The following HENMT1 variants were observed in gnomAD, a reference collection of about 807,000 sequenced individuals.
HENMT1 encodes the protein small RNA 2'-O-methyltransferase.
Under a neutral mutation model 31.1 loss-of-function variants are expected in HENMT1, and 27 were observed. The observed-to-expected ratio is 0.87, with a 90% CI of 0.64 to 1.20. The LOEUF (loss-of-function observed/expected upper bound fraction) is 1.20, where lower values mean the gene tolerates loss of function less well. Ranked by LOEUF, HENMT1 falls within the 50% of genes most tolerant of loss-of-function variation. HENMT1 has a pLI of 0.00. For synonymous variants in HENMT1, 167 were observed against 172.2 expected (o/e 0.97, Z 0.24); for missense variants, 438 against 469.6 (o/e 0.93, Z 0.62).
At chr1:108,657,932 C>A (rs1039245309) in intron 2 of HENMT1, among the ~76,000 whole-genome samples, 3 of 151,710 alleles carry the variant, frequency 2.0e-5, no homozygotes, top group Admixed American at 2.0e-4. Context: ...TCCAAGTAGG[C>A]AGGAGGCTGG....
Position 108,651,071 on chromosome 1 carries a change from T to C in HENMT1, c.537A>G (p.Ser179=), listed in dbSNP as rs1371249085. The part of the protein sequence containing the change: ...PLFPSVTLRD[S]DHKFEWTRME... ...TTCTGGTCCACTCAAATTTATGATC[T>C]GAATCTCTTAAGGTCACTGATGGAA... Residue 179 remains serine, a synonymous_variant, in exon 6 of 8, where the codon TCA becomes TCG. Coordinates refer to ENST00000651461, the MANE Select transcript of HENMT1 (RefSeq NM_001102592.2). 1 of 1,614,050 alleles carries C rather than the reference T, an allele frequency of 6.2e-7. No homozygotes were observed. The highest frequency in any genetic ancestry group is 1.7e-5 in the Admixed American group (1 of 60,024).
At chr1:108,654,035 G>A (rs759460805) in intron 5 of HENMT1, among the ~76,000 whole-genome samples, 4 of 152,042 alleles carry the variant, frequency 2.6e-5, no homozygotes, top group Non-Finnish European at 4.4e-5. Context: ...CAATTAACTC[G>A]TTAATCCATC....
At position 108,654,870 on chromosome 1, in the gene HENMT1, G is replaced by C; in HGVS notation, c.264-20C>G. ...GAATCCCTGCAAAATAATTATTGAA[G>C]AAACTTTCTGAACATTATCTATTTA... On this transcript the variant is annotated intron_variant, in intron 4 of 7. Transcript: ENST00000651461. 6.2e-7 allele frequency: 1 copy of C among 1,612,768 alleles called. No homozygotes were observed. Among genetic ancestry groups the C allele is most frequent in the Non-Finnish European group, 8.5e-7 (1 of 1,179,108 alleles).
chr1:108,649,404 C>G, intron 7 of HENMT1: 1 of 457,420 alleles, frequency 2.2e-6, no homozygotes. Flanking sequence ...AGTTCAAGAC[C>G]AGCCTGGGCA....
At chr1:108,657,698 T>G (rs1658291156) in intron 2 of HENMT1, 119 bp from the exon 3 acceptor site, 2 of 857,686 alleles carry the variant, frequency 2.3e-6, no homozygotes, top group African/African-American at 1.7e-5. Context: ...CACACTGGCC[T>G]TCACATACCC....
At chr1:108,660,715 G>C (rs1417315388) in intron 1 of HENMT1, among the ~76,000 whole-genome samples, 1 of 151,986 alleles carries the variant, frequency 6.6e-6, no homozygotes, top group East Asian at 1.9e-4. Flanking sequence ...ACGAGGTCAG[G>C]AGATCGAGAC....
rs1290617532 is a variant in HENMT1 at position 108,648,479 on chromosome 1, C to T, written c.*87G>A. On this transcript the variant is annotated 3_prime_UTR_variant, in exon 8 of 8. Transcript: ENST00000651461. ...TTGCAGTGAAACTTTAAAAACATTA[C>T]TTGAATTAGGATTACACAAAAAAAA... The T allele has an allele frequency of 1.8e-6, 2 of 1,130,280 alleles. No homozygotes were observed. Among genetic ancestry groups the T allele is most frequent in the African/African-American group, 1.6e-5 (1 of 63,462 alleles). The allele number at this position is 1,130,280 out of a possible 1,614,324, so 70.0% of individuals were successfully genotyped here. A position where few individuals can be genotyped will look rare whatever the true frequency, so the allele number is the denominator to read the frequency against.
chr1:108,657,364 T>C, intron 3 of HENMT1, 87 bp downstream of exon 3: 1 of 922,284 alleles, frequency 1.1e-6, no homozygotes, highest in South Asian at 1.5e-5. Flanking sequence ...GTGAAAAGTC[T>C]CTCCATACTA....
rs1026563265 is a variant in HENMT1, at chr1:108,650,970, T to C, written c.578+60A>G. The C allele has an allele frequency of 3.4e-5, 41 of 1,213,024 alleles. No homozygotes were observed. The Admixed American group carries it at 8.5e-4, about 25-fold the overall frequency. The allele number at this position is 1,213,024 out of a possible 1,614,324, so 75.1% of individuals were successfully genotyped here. ...GGTAATGTATGTATATCAATATTTATTTCCTAAGATTTTAAACTCCAACAG... is the reference window on the plus strand; with the variant it reads ...GGTAATGTATGTATATCAATATTTACTTCCTAAGATTTTAAACTCCAACAG... On this transcript the variant is annotated intron_variant, in intron 6 of 7. Transcript: ENST00000651461.
chr1:108,651,304 C>G, intron 5 of HENMT1, 95 bp from the exon 6 acceptor site: 1 of 994,400 alleles, frequency 1.0e-6, no homozygotes, highest in Non-Finnish European at 1.5e-6. Context: ...ATCTGTGTAT[C>G]GATTTCTCCC....
chr1:108,649,167 G>A (rs572767004), intron 7 of HENMT1, among the ~76,000 whole-genome samples, 176 bp from the exon 8 acceptor site: 9 of 152,168 alleles, frequency 5.9e-5, no homozygotes, highest in Non-Finnish European at 4.4e-5. Flanking sequence ...CTGACACATA[G>A]AAATTAACTA....
intron 1 of HENMT1, 73 bp from the exon 2 acceptor site, chr1:108,660,035 ACG>A: frequency 1.3e-6 from 1 of 747,082 alleles, no homozygotes; most frequent in Non-Finnish European, 2.0e-6. Context: ...GAAGGGAAGA[ACG>A]AAAGCCTCTT....
At chr1:108,650,857 C>T (rs541275714) in intron 6 of HENMT1, among the ~76,000 whole-genome samples, 173 bp downstream of exon 6, 1 of 152,294 alleles carries the variant, frequency 6.6e-6, no homozygotes, top group South Asian at 2.1e-4. Flanking sequence ...CCACACTTGC[C>T]CAAATGCAAT....
rs1553183824 is a variant in HENMT1, at chr1:108,658,138, T to TTC, written c.22-560_22-559insGA. ...ACACACATATATATATATATATTTT[T>TTC]TTTTTCCCCCCAAGACGGAGTCTTG... On this transcript the variant is annotated intron_variant, in intron 2 of 7. Coordinates refer to ENST00000651461, the MANE Select transcript of HENMT1 (RefSeq NM_001102592.2). 5.3e-5 allele frequency among the ~76,000 whole-genome samples: 8 copies of TTC among 150,692 alleles called. No individual in the cohort carries two copies. In the East Asian group the frequency reaches 1.4e-3, roughly 26 times the overall value.
intron 2 of HENMT1, among the ~76,000 whole-genome samples, chr1:108,658,133 A>ATATT (rs1553183821): frequency 2.2e-5 from 3 of 134,244 alleles, no homozygotes; most frequent in African/African-American, 8.7e-5. Flanking sequence ...ATATATATAT[A>ATATT]TTTTTTTTTT....
At chr1:108,658,401 G>A (rs950900772) in intron 2 of HENMT1, among the ~76,000 whole-genome samples, 20 of 152,050 alleles carry the variant, frequency 1.3e-4, no homozygotes, top group African/African-American at 4.6e-4. Flanking sequence ...CCAAAGTGCT[G>A]GGATTACAGG....
rs776535216 is a variant in HENMT1 at position 108,657,435 on chromosome 1, A to G, written c.150+16T>C. 2 of 1,580,034 alleles carry G rather than the reference A, an allele frequency of 1.3e-6. No individual in the cohort carries two copies. The highest frequency in any genetic ancestry group is 2.2e-5 in the East Asian group (1 of 44,664). ...CTAGTCTTAATAATTAAATGTTTGG[A>G]AAGAGAAATACCTACCTTCTTAGGC... On this transcript the variant is annotated intron_variant, in intron 3 of 7. Transcript: ENST00000651461.
In HENMT1 at chr1:108,654,838, A is replaced by G; in HGVS notation, c.276T>C (p.Ala92=). ...GTTTCAGAAAATCCCCCAGGAAAGG[A>G]GCTAACGAATCCCTGCAAAATAATT... ...DKLRWRGDSL[A]PFLGDFLKPR... is the part of the protein sequence containing the mutation. Residue 92 remains alanine (A), a synonymous_variant, in exon 5 of 8, where the codon GCT becomes GCC. Transcript: ENST00000651461. The G allele has an allele frequency of 3.7e-6, 6 of 1,614,122 alleles. No individual in the cohort carries two copies. Among genetic ancestry groups the G allele is most frequent in the Non-Finnish European group, 5.1e-6 (6 of 1,179,966 alleles).
intron 7 of HENMT1, among the ~76,000 whole-genome samples, chr1:108,649,763 C>G (rs968739010): frequency 3.9e-5 from 6 of 152,182 alleles, no homozygotes; most frequent in Admixed American, 1.3e-4. Context: ...CTTTTTACTA[C>G]TGATAATCCT....
Sources: allele counts gnomAD v4.1 joint callset (sites outside exome capture counted in the v4.1 genomes callset), GRCh38; gene constraint gnomAD v4.1.1; transcripts MANE v1.5; gene names NCBI Gene and HGNC (gene_info 2026-07-23, HGNC 2026-07-21).